The following CLCN3 variants were observed in gnomAD, a reference collection of about 807,000 sequenced individuals.
CLCN3 encodes H(+)/Cl(-) exchange transporter 3.
Under a neutral mutation model 83.4 loss-of-function variants are expected in CLCN3, and 16 were observed. The ratio of observed to expected loss-of-function variants is 0.19; its 90% CI spans 0.13 to 0.29. The LOEUF (loss-of-function observed/expected upper bound fraction) is 0.29. CLCN3 is among the 10% of genes least tolerant of loss of function. The probability of loss-of-function intolerance (pLI) is 1.00; values close to 1 mark genes in which losing one functional copy is unlikely to be tolerated. For missense variants in CLCN3, 544 were observed against 1,006.0 expected (o/e 0.54, Z 6.21); for synonymous variants, 322 against 346.2 (o/e 0.93, Z 0.78).
At chr4:169,674,177 C>G (rs1159665746) in intron 2 of CLCN3, among the ~76,000 whole-genome samples, 3 of 152,146 alleles carry the variant, frequency 2.0e-5, no homozygotes, top group Non-Finnish European at 4.4e-5. Context: ...TAATCTAGAA[C>G]CGTTCCTCAG....
intron 2 of CLCN3, among the ~76,000 whole-genome samples, chr4:169,648,927 T>A (rs966754003): frequency 4.1e-4 from 62 of 151,662 alleles, no homozygotes; most frequent in African/African-American, 1.4e-3. Flanking sequence ...CTCGGGAGAC[T>A]GAGGCACGAG....
Position 169,707,206 on chromosome 4 carries a change from T to C in CLCN3, c.2089T>C (p.Ser697Pro). The C allele has an allele frequency of 6.2e-7, 1 of 1,613,852 alleles. No individual in the cohort carries two copies. The highest frequency in any genetic ancestry group is 2.2e-5 in the East Asian group (1 of 44,884). Reference sequence around the variant, plus strand: ...CTACAATGGATTTCCTGTCATAATGTCAAAAGAATCTCAGAGATTAGTGGG... The same window carrying C: ...CTACAATGGATTTCCTGTCATAATGCCAAAAGAATCTCAGAGATTAGTGGG... ...TSYNGFPVIM[S>P]KESQRLVGFA... The change falls in exon 11 of 13, where the codon TCA (serine) becomes CCA (proline). Residue 697 changes from serine (S) to proline (P), a missense_variant. This residue lies in a region of CLCN3 where 142 missense variants were observed against 225.0 expected (regional missense o/e 0.63). Transcript: ENST00000513761.
rs568367688 is a variant in CLCN3, at chr4:169,670,418, A to G, written c.161-9632A>G. The stretch of plus-strand genomic sequence containing the variant: ...TTTTGTCAAGTTTGCTGAAGATCAG[A>G]TGATTGTAGATGTGTGGTGTTATTT... On this transcript the variant is annotated intron_variant, in intron 2 of 12. Coordinates refer to ENST00000513761, the MANE Select transcript of CLCN3 (RefSeq NM_001829.4). 1.6e-3 allele frequency among the ~76,000 whole-genome samples: 251 copies of G among 152,276 alleles called. 1 individual carries two copies. The highest frequency in any genetic ancestry group is 5.5e-3 in the African/African-American group (229 of 41,548).
At chr4:169,621,432 A>G (rs974608677) in intron 1 of CLCN3, among the ~76,000 whole-genome samples, 4 of 152,122 alleles carry the variant, frequency 2.6e-5, no homozygotes, top group East Asian at 1.9e-4. Flanking sequence ...TTTTTTGTGT[A>G]TATATATTTG....
rs994231560 is a variant in CLCN3, at chr4:169,713,402, A to G, written c.2366+107A>G. 6.1e-6 allele frequency: 5 copies of G among 815,114 alleles called. No individual in the cohort carries two copies. In the South Asian group the frequency reaches 7.8e-5, roughly 13 times the overall value. 50.5% of individuals were successfully genotyped at this position (815,114 alleles called of 1,614,324 possible). On this transcript the variant is annotated intron_variant, in intron 12 of 12. Coordinates refer to ENST00000513761, the MANE Select transcript of CLCN3 (RefSeq NM_001829.4). ...GCATGTGAGTCAGCTCCCAGGTGGG[A>G]AAGTCTGTCCTATGGTATAGTCACA...
chr4:169,639,537 G>A (rs1293643347), intron 2 of CLCN3, among the ~76,000 whole-genome samples: 1 of 152,194 alleles, frequency 6.6e-6, no homozygotes, highest in Non-Finnish European at 1.5e-5. Flanking sequence ...TGAAGATCCA[G>A]CAATAGGGAT....
At chr4:169,716,146 A>G (rs1733414615) in intron 12 of CLCN3, among the ~76,000 whole-genome samples, 1 of 152,086 alleles carries the variant, frequency 6.6e-6, no homozygotes, top group Admixed American at 6.5e-5. Flanking sequence ...TATGAGCCAC[A>G]TTTTGCGTTG....
At chr4:169,635,389 T>A (rs1294105785) in intron 1 of CLCN3, among the ~76,000 whole-genome samples, 1 of 152,162 alleles carries the variant, frequency 6.6e-6, no homozygotes, top group Non-Finnish European at 1.5e-5. Context: ...CTGTTACCAT[T>A]TTATCAGTGG....
intron 2 of CLCN3, among the ~76,000 whole-genome samples, chr4:169,675,123 T>C (rs999951320): frequency 3.9e-5 from 6 of 152,250 alleles, no homozygotes; most frequent in Non-Finnish European, 7.3e-5. Context: ...CATTTATTAG[T>C]ACTATTACGT....
chr4:169,660,572 G>A (rs1040430055), intron 2 of CLCN3: 73 of 567,002 alleles, frequency 1.3e-4, no homozygotes, highest in Non-Finnish European at 5.5e-5. Context: ...TAGTTGCCCT[G>A]GGTTGTTAGT....
intron 8 of CLCN3, among the ~76,000 whole-genome samples, chr4:169,696,598 A>G (rs1732573199): frequency 6.6e-6 from 1 of 152,026 alleles, no homozygotes; most frequent in Admixed American, 6.6e-5. Flanking sequence ...TATAATACAT[A>G]TTATTAACTG....
At chr4:169,688,792 A>G (rs1214918394) in intron 4 of CLCN3, among the ~76,000 whole-genome samples, 2 of 152,192 alleles carry the variant, frequency 1.3e-5, no homozygotes, top group African/African-American at 4.8e-5. Flanking sequence ...TCTTTTAAAC[A>G]TTGTTTTTCA....
At position 169,650,092 on chromosome 4, in the gene CLCN3, G is replaced by GA. The variant is rs980456341; in HGVS notation, c.160+14014dup. Among the ~76,000 whole-genome samples, 116 of 147,642 alleles carry GA rather than the reference G, an allele frequency of 7.9e-4. 1 individual carries two copies. In the East Asian group the frequency reaches 0.021, roughly 27 times the overall value. On this transcript the variant is annotated intron_variant, in intron 2 of 12. Coordinates refer to ENST00000513761, the MANE Select transcript of CLCN3 (RefSeq NM_001829.4). ...TGACAGAGCGAGACCCTATCTAAGA[G>GA]AAAAAAAAAATGAGTGGTGGAATTG...
chr4:169,704,263 T>A, intron 10 of CLCN3, 79 bp downstream of exon 10: 1 of 1,369,894 alleles, frequency 7.3e-7, no homozygotes, highest in Non-Finnish European at 1.0e-6. Flanking sequence ...CATTCTTGCT[T>A]AATTGGTGGG....
At chr4:169,659,121 G>A (rs578036083) in intron 2 of CLCN3, among the ~76,000 whole-genome samples, 1 of 152,156 alleles carries the variant, frequency 6.6e-6, no homozygotes, top group Admixed American at 6.5e-5. Flanking sequence ...CTTGAGTTCT[G>A]TGGAATTGCT....
intron 2 of CLCN3, among the ~76,000 whole-genome samples, chr4:169,658,315 G>C (rs1162296469): frequency 2.0e-5 from 3 of 151,674 alleles, no homozygotes; most frequent in African/African-American, 7.3e-5. Context: ...ACAATATGAA[G>C]CATTGTCAGT....
At chr4:169,629,732 C>T (rs1026359360) in intron 1 of CLCN3, among the ~76,000 whole-genome samples, 2 of 152,110 alleles carry the variant, frequency 1.3e-5, no homozygotes, top group South Asian at 2.1e-4. Context: ...GAGTGTCAGA[C>T]CTCATGACAC....
chr4:169,670,627 A>C (rs1731423090), intron 2 of CLCN3, among the ~76,000 whole-genome samples: 1 of 152,188 alleles, frequency 6.6e-6, no homozygotes. Context: ...TGAAATTTAA[A>C]GTAGGTTTTT....
intron 11 of CLCN3, among the ~76,000 whole-genome samples, chr4:169,709,803 T>A (rs991476662): frequency 1.3e-5 from 2 of 152,160 alleles, no homozygotes; most frequent in African/African-American, 2.4e-5. Context: ...AAAATTGTAA[T>A]GTTCCTTATT....
Sources: allele counts gnomAD v4.1 joint callset (sites outside exome capture counted in the v4.1 genomes callset), GRCh38; gene constraint gnomAD v4.1.1; regional missense constraint gnomAD v4.1.1; transcripts MANE v1.5; gene names NCBI Gene and HGNC (gene_info 2026-07-23, HGNC 2026-07-21).